Variants in ERBB4 observed in about 807,000 individuals in gnomAD.
ERBB4 encodes the protein erb-b2 receptor tyrosine kinase 4.
Under a neutral mutation model 158.0 loss-of-function variants are expected in ERBB4, and 42 were observed. That is an observed-to-expected ratio of 0.27 (90% confidence interval 0.21 to 0.34). The LOEUF (loss-of-function observed/expected upper bound fraction) is 0.34. Ranked by LOEUF, ERBB4 falls within the 10% of genes least tolerant of loss-of-function variation. The pLI, the probability that ERBB4 is intolerant of heterozygous loss-of-function variation, is 1.00. For missense variants in ERBB4, 1,333 were observed against 1,624.1 expected (o/e 0.82, Z 3.08); for synonymous variants, 583 against 558.7 (o/e 1.04, Z -0.61).
rs577679674 is a variant in ERBB4, at chr2:211,375,910, G to A, written c.*7705C>T. The A allele has an allele frequency of 4.3e-6, 1 of 232,796 alleles. No homozygotes were observed. The highest frequency in any genetic ancestry group is 5.6e-5 in the Admixed American group (1 of 17,722). 14.4% of individuals were successfully genotyped at this position (232,796 alleles called of 1,614,324 possible). A position where few individuals can be genotyped will look rare whatever the true frequency, so the allele number is the denominator to read the frequency against. On this transcript the variant is annotated 3_prime_UTR_variant, in exon 28 of 28. Transcript: ENST00000342788. ...AATTCTTTCCCAAGAGCCAAAAGAG[G>A]ATCCTTGAGAACTAACGGAAAAGCC...
intron 1 of ERBB4, among the ~76,000 whole-genome samples, chr2:212,199,948 T>C (rs1424825799): frequency 6.6e-6 from 1 of 152,144 alleles, no homozygotes; most frequent in African/African-American, 2.4e-5. Flanking sequence ...TAGTAATTCA[T>C]GAAGTTAAAC....
intron 2 of ERBB4, among the ~76,000 whole-genome samples, chr2:212,062,231 T>G (rs1160636447): frequency 1.3e-5 from 2 of 152,080 alleles, no homozygotes; most frequent in Admixed American, 1.3e-4. Context: ...ACATGTATAT[T>G]AATTGAATAA....
chr2:211,873,735 A>G (rs1214315219), intron 3 of ERBB4, among the ~76,000 whole-genome samples: 3 of 151,182 alleles, frequency 2.0e-5, no homozygotes, highest in African/African-American at 7.3e-5. Flanking sequence ...GGTTGTTGCC[A>G]AATTTTCACT....
Position 211,387,930 on chromosome 2 carries a change from T to C in ERBB4, c.3183+15A>G. 3 of 1,592,482 alleles carry C rather than the reference T, an allele frequency of 1.9e-6. No homozygotes were observed. Among genetic ancestry groups the C allele is most frequent in the Non-Finnish European group, 1.7e-6 (2 of 1,160,348 alleles). On this transcript the variant is annotated intron_variant, in intron 26 of 27. Transcript: ENST00000342788. ...GAAAATCCTAAAAGATGAAGGTTGA[T>C]TGTGAAATACTTACTCCTGACATGG...
intron 4 of ERBB4, among the ~76,000 whole-genome samples, chr2:211,775,918 G>T (rs2075862782): frequency 6.6e-6 from 1 of 152,074 alleles, no homozygotes; most frequent in South Asian, 2.1e-4. Flanking sequence ...CTTTTTTAGG[G>T]TTTGCTGAAG....
intron 16 of ERBB4, among the ~76,000 whole-genome samples, chr2:211,645,169 T>C (rs1291346394): frequency 6.6e-6 from 1 of 151,808 alleles, no homozygotes; most frequent in Admixed American, 6.6e-5. Context: ...AAATTTAAGA[T>C]GCTATGCAAT....
chr2:211,715,348 A>G (rs923937290), intron 7 of ERBB4, among the ~76,000 whole-genome samples: 1 of 152,168 alleles, frequency 6.6e-6, no homozygotes, highest in Non-Finnish European at 1.5e-5. Flanking sequence ...TCAAAGTCCA[A>G]TCTTGCTTTC....
At chr2:211,958,831 G>A (rs2081097337) in intron 2 of ERBB4, among the ~76,000 whole-genome samples, 1 of 151,994 alleles carries the variant, frequency 6.6e-6, no homozygotes, top group African/African-American at 2.4e-5. Context: ...AGTAACTGCA[G>A]CATGCTTCAG....
At chr2:211,423,724 T>C (rs1207603046) in intron 23 of ERBB4, among the ~76,000 whole-genome samples, 1 of 152,026 alleles carries the variant, frequency 6.6e-6, no homozygotes, top group African/African-American at 2.4e-5. Context: ...TTCTATTAAA[T>C]TAATTTTTAA....
At chr2:211,600,360 A>ATG (rs2068763221) in intron 19 of ERBB4, among the ~76,000 whole-genome samples, 1 of 152,182 alleles carries the variant, frequency 6.6e-6, no homozygotes, top group Admixed American at 6.5e-5. Context: ...GCAAGTGAAA[A>ATG]AATGACAACA....
At chr2:211,947,704 C>T in intron 2 of ERBB4, 88 bp from the exon 3 acceptor site, 1 of 1,119,476 alleles carries the variant, frequency 8.9e-7, no homozygotes, top group South Asian at 1.4e-5. Flanking sequence ...AGTTATTAAA[C>T]TCTAATTTTC....
intron 1 of ERBB4, among the ~76,000 whole-genome samples, chr2:212,379,352 G>T (rs13030181): frequency 0.19 from 28,761 of 151,586 alleles, 2,937 homozygotes; most frequent in South Asian, 0.25. Context: ...TGATAAGAAA[G>T]AGCACAGCTA....
intron 20 of ERBB4, among the ~76,000 whole-genome samples, chr2:211,523,590 T>C (rs894555077): frequency 1.9e-4 from 29 of 151,854 alleles, no homozygotes; most frequent in African/African-American, 6.3e-4. Context: ...ACCTTCGCAG[T>C]GAGTGTTACA....
chr2:211,989,891 T>C (rs1290416183), intron 2 of ERBB4, among the ~76,000 whole-genome samples: 1 of 152,018 alleles, frequency 6.6e-6, no homozygotes, highest in East Asian at 1.9e-4. Context: ...CCTATTAATA[T>C]GAATTTGGTG....
intron 19 of ERBB4, among the ~76,000 whole-genome samples, chr2:211,571,903 A>C (rs1399037386): frequency 6.6e-6 from 1 of 152,188 alleles, no homozygotes; most frequent in Non-Finnish European, 1.5e-5. Flanking sequence ...CACGGTAAAT[A>C]ATTTTCCCAT....
At chr2:211,909,503 T>G (rs1374033592) in intron 3 of ERBB4, among the ~76,000 whole-genome samples, 6 of 151,730 alleles carry the variant, frequency 4.0e-5, no homozygotes, top group Non-Finnish European at 8.8e-5. Context: ...AGACTATAAA[T>G]CCGTACATTA....
At chr2:211,675,570 T>C (rs1036178716) in intron 13 of ERBB4, among the ~76,000 whole-genome samples, 1 of 151,848 alleles carries the variant, frequency 6.6e-6, no homozygotes, top group African/African-American at 2.4e-5. Flanking sequence ...TAAAGTTCCA[T>C]TGCAGTTACC....
At chr2:211,646,691 C>T (rs6435650) in intron 16 of ERBB4, among the ~76,000 whole-genome samples, 128,173 of 151,552 alleles carry the variant, frequency 0.85, 57,649 homozygotes, top group East Asian at 1. Context: ...TTGCAATTAA[C>T]GCAACAGGTA....
chr2:212,510,210 T>A (rs1332409286), intron 1 of ERBB4, among the ~76,000 whole-genome samples: 1 of 79,668 alleles, frequency 1.3e-5, no homozygotes, highest in African/African-American at 4.4e-5. Context: ...ACACAGTATA[T>A]ATATATATAT....
Sources: allele counts gnomAD v4.1 joint callset (sites outside exome capture counted in the v4.1 genomes callset), GRCh38; gene constraint gnomAD v4.1.1; transcripts MANE v1.5; gene names NCBI Gene and HGNC (gene_info 2026-07-23, HGNC 2026-07-21).